The following DEFB121 variants were observed in gnomAD, a reference collection of about 807,000 sequenced individuals.
DEFB121 encodes the protein defensin beta 121.
DEFB121 carries 5 observed loss-of-function variants against 2.5 expected under a neutral mutation model. The observed-to-expected ratio is 1.96, with a 90% CI of 1.03 to 4.13. DEFB121 has a LOEUF of 4.13. Ranked by LOEUF, DEFB121 falls within the 30% of genes most tolerant of loss-of-function variation. DEFB121 has a pLI of 0.00. For synonymous variants in DEFB121, 39 were observed against 32.6 expected (o/e 1.20, Z -0.67); for missense variants, 87 against 85.0 (o/e 1.02, Z -0.09).
At chr20:31,405,863 T>C (rs1158258834) in intron 1 of DEFB121, among the ~76,000 whole-genome samples, 1 of 152,226 alleles carries the variant, frequency 6.6e-6, no homozygotes, top group Admixed American at 6.5e-5. Context: ...GTCATCACGT[T>C]CAGCTTTTCC....
At chr20:31,409,291 C>A (rs12479674), upstream of DEFB121, among the ~76,000 whole-genome samples, 2 of 152,102 alleles carry the variant, frequency 1.3e-5, no homozygotes. Flanking sequence ...CATATGTCCA[C>A]GTCAAAACTT....
At chr20:31,406,793 C>CT (rs1256643289), upstream of DEFB121, among the ~76,000 whole-genome samples, 4 of 151,900 alleles carry the variant, frequency 2.6e-5, no homozygotes, top group South Asian at 2.1e-4. Flanking sequence ...TTGTTGTGGT[C>CT]TTTTTTTTAT....
intron 1 of DEFB121, 54 bp from the exon 2 acceptor site, chr20:31,405,139 G>C (rs1003537480): frequency 1.2e-5 from 19 of 1,539,966 alleles, no homozygotes; most frequent in Non-Finnish European, 1.7e-5. Context: ...AAAGCAGAAA[G>C]GTGTGAAAGG....
exon 1 of DEFB121, chr20:31,412,768 T>G (rs1978700238): frequency 1.0e-6 from 1 of 995,288 alleles, no homozygotes; most frequent in Admixed American, 2.6e-5. Flanking sequence ...ACCGTGATCT[T>G]CAAGTTTGAA....
chr20:31,414,632 C>T (rs1024085033), upstream of DEFB121, among the ~76,000 whole-genome samples: 2 of 152,152 alleles, frequency 1.3e-5, no homozygotes. Flanking sequence ...TCCAGTTATA[C>T]GAAGTGTCTA....
At chr20:31,412,771 A>G in exon 1 of DEFB121, 2 of 976,266 alleles carry the variant, frequency 2.0e-6, no homozygotes, top group Non-Finnish European at 2.8e-6. Context: ...GTGATCTTCA[A>G]GTTTGAAAAT....
upstream of DEFB121, among the ~76,000 whole-genome samples, chr20:31,410,823 T>TGAGA (rs72164704): frequency 0.022 from 3,013 of 136,042 alleles, 50 homozygotes; most frequent in African/African-American, 0.048. Flanking sequence ...CCTTGAAAAA[T>TGAGA]GAGAGAGAGA....
At chr20:31,408,481 G>A (rs114368523), upstream of DEFB121, among the ~76,000 whole-genome samples, 427 of 151,246 alleles carry the variant, frequency 2.8e-3, 1 homozygote, top group African/African-American at 0.01. Flanking sequence ...AAATTTTCTT[G>A]TTGTCTGAAG....
upstream of DEFB121, among the ~76,000 whole-genome samples, chr20:31,414,211 GAAGA>G (rs1013884934): frequency 1.2e-4 from 18 of 150,818 alleles, no homozygotes; most frequent in African/African-American, 4.2e-4. Flanking sequence ...CCATCAAAAG[GAAGA>G]AAGAAAGAAA....
At chr20:31,406,415 A>T, upstream of DEFB121, 1 of 525,970 alleles carries the variant, frequency 1.9e-6, no homozygotes, top group Non-Finnish European at 2.8e-6. Context: ...GAATTTTATA[A>T]TACAGCTGGA....
At chr20:31,418,204 G>A in the DEFB121 span, among the ~76,000 whole-genome samples, 1 of 141,144 alleles carries the variant, frequency 7.1e-6, no homozygotes, top group African/African-American at 2.6e-5. Flanking sequence ...AGCTTGCAGT[G>A]AGCCGAGGTC....
At chr20:31,415,464 G>A (rs1978780615), upstream of DEFB121, among the ~76,000 whole-genome samples, 1 of 151,994 alleles carries the variant, frequency 6.6e-6, no homozygotes, top group South Asian at 2.1e-4. Flanking sequence ...TGGCCAGGCT[G>A]GTCTCAAACT....
At chr20:31,414,479 A>T (rs945462770), upstream of DEFB121, among the ~76,000 whole-genome samples, 26 of 152,240 alleles carry the variant, frequency 1.7e-4, no homozygotes, top group Non-Finnish European at 3.2e-4. Flanking sequence ...ATGGATAAAG[A>T]AAATGTGGTG....
chr20:31,410,252 T>C (rs1422609559), upstream of DEFB121, among the ~76,000 whole-genome samples: 4 of 152,278 alleles, frequency 2.6e-5, no homozygotes, highest in South Asian at 4.1e-4. Context: ...AGCCAACTGA[T>C]GCAGAAACAG....
At chr20:31,416,314 G>T (rs1978804066), upstream of DEFB121, among the ~76,000 whole-genome samples, 1 of 152,156 alleles carries the variant, frequency 6.6e-6, no homozygotes, top group Non-Finnish European at 1.5e-5. Context: ...GCCCGCTTTG[G>T]CCTCCCAAAG....
At chr20:31,412,344 T>C (rs1428873965) in intron 1 of DEFB121, among the ~76,000 whole-genome samples, 1 of 152,158 alleles carries the variant, frequency 6.6e-6, no homozygotes, top group Non-Finnish European at 1.5e-5. Flanking sequence ...TCACTAGGGG[T>C]AATGTGGGGA....
chr20:31,412,767 T>C, exon 1 of DEFB121: 1 of 1,002,452 alleles, frequency 1.0e-6, no homozygotes, highest in Non-Finnish European at 1.4e-6. Flanking sequence ...CACCGTGATC[T>C]TCAAGTTTGA....
upstream of DEFB121, chr20:31,412,955 C>T (rs1227237293): frequency 2.7e-5 from 6 of 226,196 alleles, no homozygotes; most frequent in Admixed American, 2.8e-4. Context: ...CTTTTCCCAG[C>T]TCTCCTTGTC....
chr20:31,413,787 C>T (rs1266176018), upstream of DEFB121, among the ~76,000 whole-genome samples: 1 of 152,176 alleles, frequency 6.6e-6, no homozygotes, highest in Non-Finnish European at 1.5e-5. Flanking sequence ...TGCAGAAAGC[C>T]AGAATTATCC....
Sources: gnomAD v4.1 joint callset for allele counts (sites outside exome capture counted in the v4.1 genomes callset) on GRCh38, gnomAD v4.1.1 for gene constraint, MANE v1.5 for transcripts, NCBI Gene and HGNC (gene_info 2026-07-23, HGNC 2026-07-21) for gene names.